THEMIS: variants seen among roughly 807,000 people sequenced by gnomAD.
THEMIS encodes the protein thymocyte selection associated, also known as protein THEMIS.
THEMIS carries 37 observed loss-of-function variants against 52.6 expected under a neutral mutation model. The observed-to-expected ratio is 0.70, with a 90% CI of 0.54 to 0.93. The LOEUF is 0.93. Ranked by LOEUF, THEMIS falls within the 40% of genes least tolerant of loss-of-function variation. The pLI is 0.00. For missense variants in THEMIS, 808 were observed against 763.1 expected (o/e 1.06, Z -0.69); for synonymous variants, 292 against 272.7 (o/e 1.07, Z -0.70).
intron 1 of THEMIS, among the ~76,000 whole-genome samples, chr6:127,900,480 C>G (rs573020037): frequency 6.6e-6 from 1 of 152,108 alleles, no homozygotes; most frequent in African/African-American, 2.4e-5. Flanking sequence ...TTTGTTTTAG[C>G]AAGCTAAATT....
At chr6:127,829,433 T>TA (rs1238621646) in intron 3 of THEMIS, 43 bp downstream of exon 3, 2 of 1,494,034 alleles carry the variant, frequency 1.3e-6, no homozygotes, top group African/African-American at 2.8e-5. Context: ...CCAAACCCCA[T>TA]AATGCTCATG....
At chr6:127,840,826 G>C (rs1468811458) in intron 2 of THEMIS, among the ~76,000 whole-genome samples, 2 of 151,964 alleles carry the variant, frequency 1.3e-5, no homozygotes, top group Non-Finnish European at 1.5e-5. Context: ...ATATGTATTA[G>C]TAGGTGAAAG....
chr6:127,752,214 A>C (rs1358513058), intron 4 of THEMIS, among the ~76,000 whole-genome samples: 4 of 151,704 alleles, frequency 2.6e-5, no homozygotes, highest in Non-Finnish European at 5.9e-5. Context: ...AAAAAGAGAA[A>C]GATTTGCATA....
intron 2 of THEMIS, 71 bp from the exon 3 acceptor site, chr6:127,830,005 A>G (rs778951024): frequency 1.6e-4 from 180 of 1,147,766 alleles, no homozygotes; most frequent in Non-Finnish European, 2.2e-4. Flanking sequence ...AATCACAAGG[A>G]GAGAGTTACA....
At chr6:127,746,759 A>G (rs1389863699) in intron 4 of THEMIS, among the ~76,000 whole-genome samples, 11 of 76,420 alleles carry the variant, frequency 1.4e-4, no homozygotes, top group African/African-American at 5.5e-4. Flanking sequence ...ATTATATATT[A>G]TTATATAATT....
chr6:127,879,572 G>A (rs1466108254), intron 1 of THEMIS, among the ~76,000 whole-genome samples: 1 of 146,622 alleles, frequency 6.8e-6, no homozygotes, highest in Non-Finnish European at 1.5e-5. Context: ...GTGTGTAAAT[G>A]TCTCTGTAAA....
chr6:127,794,337 C>T (rs1382769437), intron 4 of THEMIS, among the ~76,000 whole-genome samples: 1 of 152,094 alleles, frequency 6.6e-6, no homozygotes, highest in East Asian at 1.9e-4. Flanking sequence ...GTCATTTCTC[C>T]ACTCAATTCT....
intron 4 of THEMIS, among the ~76,000 whole-genome samples, chr6:127,736,823 T>C (rs1775021989): frequency 1.8e-5 from 2 of 108,318 alleles, no homozygotes; most frequent in South Asian, 5.1e-4. Flanking sequence ...TTGAAAACTA[T>C]GACATAAGTA....
chr6:127,698,829 A>G, the THEMIS span, among the ~76,000 whole-genome samples: 1 of 123,136 alleles, frequency 8.1e-6, no homozygotes, highest in African/African-American at 2.8e-5. Context: ...GAGTTCCTAA[A>G]TTGTATGGCT....
chr6:127,733,781 G>T lies in THEMIS; in HGVS notation c.1759-13958C>A, dbSNP rs550483312. Among the ~76,000 whole-genome samples the T allele has an allele frequency of 1.3e-4, 20 of 152,022 alleles. No homozygotes were observed. In the East Asian group the frequency reaches 3.5e-3, roughly 26 times the overall value. On this transcript the variant is annotated intron_variant, in intron 4 of 5. Transcript: ENST00000368248. ...AGAAGAACGTTTTGGGAGGAAGACC[G>T]CTCACAGACAAAACAATCCTAGAAC...
intron 5 of THEMIS, 151 bp from the exon 6 acceptor site, chr6:127,710,167 A>C: frequency 4.3e-6 from 1 of 233,106 alleles, no homozygotes; most frequent in Non-Finnish European, 8.3e-6. Context: ...CAAAATAAAG[A>C]AAAAAAAAAA....
chr6:127,775,173 T>C (rs17055026), intron 4 of THEMIS, among the ~76,000 whole-genome samples: 4,618 of 152,248 alleles, frequency 0.03, 240 homozygotes, highest in African/African-American at 0.1. Context: ...AACTCTTTAA[T>C]GACATATGTT....
At chr6:127,746,694 T>C (rs189072980) in intron 4 of THEMIS, among the ~76,000 whole-genome samples, 10 of 122,208 alleles carry the variant, frequency 8.2e-5, no homozygotes, top group African/African-American at 2.8e-4. Context: ...ATATATTTTA[T>C]TTTATATTGT....
Position 127,814,599 on chromosome 6 carries a change from G to T in THEMIS, c.710-668C>A, listed in dbSNP as rs187051916. On this transcript the variant is annotated intron_variant, in intron 3 of 5. Transcript: ENST00000368248. ...TCTCCACTGGTGTTATATTATACCT[G>T]CCTACCAAAGGAGTGGTGCAGAGTG... is the stretch of plus-strand genomic sequence containing the variant. Among the ~76,000 whole-genome samples, 427 of 152,220 alleles carry T rather than the reference G, an allele frequency of 2.8e-3. 4 individuals carry two copies. Among genetic ancestry groups the T allele is most frequent in the Non-Finnish European group, 2.4e-3 (165 of 68,010 alleles).
intron 4 of THEMIS, among the ~76,000 whole-genome samples, chr6:127,775,667 A>G (rs1252339709): frequency 1.3e-5 from 2 of 148,592 alleles, no homozygotes; most frequent in Non-Finnish European, 3.0e-5. Flanking sequence ...AATGTTCCCC[A>G]CCCCTGGCAA....
chr6:127,832,402 C>T (rs1778725508), intron 2 of THEMIS, among the ~76,000 whole-genome samples: 1 of 152,138 alleles, frequency 6.6e-6, no homozygotes, highest in African/African-American at 2.4e-5. Flanking sequence ...TCTTCATATA[C>T]TATTGCAGCC....
chr6:127,797,657 G>C (rs1777375097), intron 4 of THEMIS, among the ~76,000 whole-genome samples: 1 of 152,172 alleles, frequency 6.6e-6, no homozygotes, highest in African/African-American at 2.4e-5. Context: ...CTTGAAGTGA[G>C]GGAGAAGAAC....
intron 4 of THEMIS, among the ~76,000 whole-genome samples, chr6:127,771,495 A>G (rs774945413): frequency 4.6e-5 from 7 of 152,132 alleles, no homozygotes; most frequent in Non-Finnish European, 8.8e-5. Context: ...GAGGCATCAC[A>G]CTACCTGACG....
chr6:127,860,621 T>C (rs1483889184), intron 1 of THEMIS, among the ~76,000 whole-genome samples: 1 of 151,968 alleles, frequency 6.6e-6, no homozygotes, highest in Non-Finnish European at 1.5e-5. Context: ...CATCTGAACA[T>C]GGGGAAGCAA....
Sources: gnomAD v4.1 joint callset for allele counts (sites outside exome capture counted in the v4.1 genomes callset) on GRCh38, gnomAD v4.1.1 for gene constraint, MANE v1.5 for transcripts, NCBI Gene and HGNC (gene_info 2026-07-23, HGNC 2026-07-21) for gene names.